The following EBF2 variants were observed in gnomAD, a reference collection of about 807,000 sequenced individuals.
EBF2 encodes transcription factor COE2.
Under a neutral mutation model 72.8 loss-of-function variants are expected in EBF2, and 21 were observed. The ratio of observed to expected loss-of-function variants is 0.29; its 90% CI spans 0.20 to 0.42. EBF2 has a LOEUF of 0.42. Among genes scored for constraint, EBF2 ranks in the 10% least tolerant of loss-of-function variants. EBF2 has a pLI of 1.00. For missense variants in EBF2, 637 were observed against 731.2 expected, an observed-to-expected ratio of 0.87 and a Z score of 1.49; for synonymous variants, 299 against 274.2, an observed-to-expected ratio of 1.09 and a Z score of -0.89.
intron 6 of EBF2, among the ~76,000 whole-genome samples, chr8:25,951,303 G>A (rs148119776): frequency 6.6e-6 from 1 of 152,256 alleles, no homozygotes; most frequent in East Asian, 1.9e-4. Context: ...GGGAGCCTGA[G>A]GAGTGGTTAT....
chr8:25,997,914 A>T (rs538214466), intron 6 of EBF2, among the ~76,000 whole-genome samples: 1 of 152,234 alleles, frequency 6.6e-6, no homozygotes, highest in Non-Finnish European at 1.5e-5. Flanking sequence ...CATTAATAAT[A>T]ATACACAGTA....
chr8:25,949,330 C>T (rs184918070), intron 6 of EBF2, among the ~76,000 whole-genome samples: 1 of 152,210 alleles, frequency 6.6e-6, no homozygotes, highest in East Asian at 1.9e-4. Flanking sequence ...CGAATGGTTA[C>T]TAAAAGTACC....
At chr8:25,918,980 G>C (rs1187090141) in intron 6 of EBF2, among the ~76,000 whole-genome samples, 2 of 152,098 alleles carry the variant, frequency 1.3e-5, no homozygotes, top group African/African-American at 2.4e-5. Flanking sequence ...TCCTTTGATG[G>C]TATTTGGAAT....
At chr8:25,993,207 T>G (rs1327677941) in intron 6 of EBF2, among the ~76,000 whole-genome samples, 1 of 152,244 alleles carries the variant, frequency 6.6e-6, no homozygotes, top group Non-Finnish European at 1.5e-5. Context: ...TTCTTAGCTC[T>G]GTCTGCACTG....
intron 5 of EBF2, among the ~76,000 whole-genome samples, chr8:26,036,205 G>C: frequency 6.6e-6 from 1 of 152,192 alleles, no homozygotes; most frequent in East Asian, 1.9e-4. Context: ...GCTGAATTCA[G>C]CTGCCTTCCG....
chr8:26,023,433 G>A lies in EBF2; in HGVS notation c.551+9652C>T, dbSNP rs889878672. 3.3e-5 allele frequency among the ~76,000 whole-genome samples: 5 copies of A among 152,172 alleles called. No individual in the cohort carries two copies. In the East Asian group the frequency reaches 9.6e-4, roughly 29 times the overall value. On this transcript the variant is annotated intron_variant, in intron 6 of 15. Coordinates refer to ENST00000520164, the MANE Select transcript of EBF2 (RefSeq NM_022659.4). ...CATAAGGAAGAAGCTGGAAGTTGAA[G>A]CATGGCATCATCTGTTCTAATAACC...
At chr8:26,009,511 G>A (rs1337592417) in intron 6 of EBF2, among the ~76,000 whole-genome samples, 1 of 152,196 alleles carries the variant, frequency 6.6e-6, no homozygotes, top group Non-Finnish European at 1.5e-5. Context: ...TATGCAAAAG[G>A]TAGATAGCCT....
chr8:25,881,963 A>G (rs1438174999), intron 10 of EBF2, among the ~76,000 whole-genome samples: 2 of 151,956 alleles, frequency 1.3e-5, no homozygotes, highest in Admixed American at 6.6e-5. Context: ...GCTGAGAACT[A>G]CCTCCTCTCG....
At chr8:25,961,180 A>G (rs1053682921) in intron 6 of EBF2, among the ~76,000 whole-genome samples, 1 of 152,218 alleles carries the variant, frequency 6.6e-6, no homozygotes, top group African/African-American at 2.4e-5. Flanking sequence ...AGCTAGAATG[A>G]TATAGTACAT....
intron 6 of EBF2, among the ~76,000 whole-genome samples, chr8:25,995,079 G>A (rs922786042): frequency 1.3e-5 from 2 of 152,172 alleles, no homozygotes; most frequent in Non-Finnish European, 2.9e-5. Context: ...GTTGAGGTGG[G>A]CAGATCACGT....
intron 6 of EBF2, among the ~76,000 whole-genome samples, chr8:25,932,598 A>C (rs1218730025): frequency 6.6e-6 from 1 of 152,210 alleles, no homozygotes; most frequent in Non-Finnish European, 1.5e-5. Context: ...AAGGTTAAAA[A>C]CAACATTGCA....
intron 10 of EBF2, among the ~76,000 whole-genome samples, chr8:25,876,472 A>G (rs1246984079): frequency 3.3e-5 from 5 of 152,158 alleles, no homozygotes; most frequent in African/African-American, 1.2e-4. Flanking sequence ...ACATTCTCAG[A>G]CCCTCTCAGG....
intron 6 of EBF2, among the ~76,000 whole-genome samples, chr8:25,991,884 A>G (rs1804550496): frequency 6.6e-6 from 1 of 151,966 alleles, no homozygotes; most frequent in Admixed American, 6.6e-5. Context: ...CAAAAGGGAG[A>G]GTTCACAACC....
chr8:26,028,561 C>T (rs1805341859), intron 6 of EBF2, among the ~76,000 whole-genome samples: 1 of 152,216 alleles, frequency 6.6e-6, no homozygotes, highest in South Asian at 2.1e-4. Flanking sequence ...GTCAGACTGT[C>T]CCTAAAGTCC....
intron 7 of EBF2, among the ~76,000 whole-genome samples, chr8:25,892,013 A>G (rs1802790716): frequency 6.6e-6 from 1 of 152,186 alleles, no homozygotes; most frequent in Admixed American, 6.5e-5. Context: ...AGAATTGTCA[A>G]AATATCGCCA....
intron 6 of EBF2, among the ~76,000 whole-genome samples, chr8:25,936,683 G>A (rs745667860): frequency 2.0e-5 from 3 of 152,048 alleles, no homozygotes; most frequent in Non-Finnish European, 2.9e-5. Flanking sequence ...TTTACAAGAG[G>A]GTTTCGTTGT....
chr8:26,005,133 T>C (rs1804818143), intron 6 of EBF2, among the ~76,000 whole-genome samples: 1 of 141,922 alleles, frequency 7.0e-6, no homozygotes, highest in Non-Finnish European at 1.5e-5. Flanking sequence ...TTGTGCTTCC[T>C]ACCGGTCATG....
At chr8:25,877,251 TG>T (rs1231378565) in intron 10 of EBF2, among the ~76,000 whole-genome samples, 2 of 152,152 alleles carry the variant, frequency 1.3e-5, no homozygotes, top group African/African-American at 4.8e-5. Flanking sequence ...TTCTGTTGGG[TG>T]CCCCTACTAG....
chr8:25,955,665 GGA>G (rs1803933262), intron 6 of EBF2, among the ~76,000 whole-genome samples: 1 of 152,186 alleles, frequency 6.6e-6, no homozygotes, highest in Non-Finnish European at 1.5e-5. Flanking sequence ...GAAGGAAAAA[GGA>G]GAGAGCTTGG....
Sources: gnomAD v4.1 joint callset for allele counts (sites outside exome capture counted in the v4.1 genomes callset) on GRCh38, gnomAD v4.1.1 for gene constraint, MANE v1.5 for transcripts, NCBI Gene and HGNC (gene_info 2026-07-23, HGNC 2026-07-21) for gene names.